The following TOP6BL variants were observed in gnomAD, a reference collection of about 807,000 sequenced individuals.
The protein encoded by TOP6BL is type 2 DNA topoisomerase 6 subunit B-like.
the TOP6BL span, among the ~76,000 whole-genome samples, chr11:66,825,925 T>A: frequency 6.6e-6 from 1 of 151,624 alleles, no homozygotes; most frequent in Non-Finnish European, 1.5e-5. Context: ...CACTGCAAGC[T>A]CCGCCTCTCA....
the TOP6BL span, among the ~76,000 whole-genome samples, chr11:66,826,350 TTAAATC>T: frequency 2.0e-5 from 3 of 152,250 alleles, no homozygotes; most frequent in Non-Finnish European, 4.4e-5. Context: ...ACTGTATTGT[TTAAATC>T]TAATTTAATA....
At chr11:66,754,868 A>C in the TOP6BL span, among the ~76,000 whole-genome samples, 1 of 152,316 alleles carries the variant, frequency 6.6e-6, no homozygotes, top group South Asian at 2.1e-4. Flanking sequence ...GTTAGGGAGG[A>C]GCCAGTCCCT....
chr11:66,773,012 T>C, the TOP6BL span, among the ~76,000 whole-genome samples: 17 of 152,174 alleles, frequency 1.1e-4, no homozygotes, highest in African/African-American at 1.4e-4. Flanking sequence ...CTGGGCCTGA[T>C]TTTTTCCTTC....
At chr11:66,815,063 G>T in the TOP6BL span, among the ~76,000 whole-genome samples, 1 of 152,190 alleles carries the variant, frequency 6.6e-6, no homozygotes, top group Non-Finnish European at 1.5e-5. Flanking sequence ...CAGTAGGGAA[G>T]AGGTATTCTG....
the TOP6BL span, among the ~76,000 whole-genome samples, chr11:66,830,279 GA>G: frequency 6.6e-6 from 1 of 152,070 alleles, no homozygotes; most frequent in Non-Finnish European, 1.5e-5. Flanking sequence ...CAAATATTTG[GA>G]AACTAAATGA....
chr11:66,790,282 A>G, the TOP6BL span, among the ~76,000 whole-genome samples: 1 of 152,030 alleles, frequency 6.6e-6, no homozygotes, highest in African/African-American at 2.4e-5. Context: ...AAAAAAAAAG[A>G]TATGTTACTT....
the TOP6BL span, among the ~76,000 whole-genome samples, chr11:66,757,083 C>G: frequency 6.6e-6 from 1 of 151,826 alleles, no homozygotes; most frequent in African/African-American, 2.4e-5. Context: ...TGGCTCATAC[C>G]TGTAATCCCA....
the TOP6BL span, among the ~76,000 whole-genome samples, chr11:66,823,384 T>C: frequency 1.3e-5 from 2 of 152,296 alleles, no homozygotes; most frequent in East Asian, 1.9e-4. Flanking sequence ...AACATTACTT[T>C]ATTTGCTCCA....
chr11:66,760,625 C>CAA, the TOP6BL span, among the ~76,000 whole-genome samples: 2,918 of 54,134 alleles, frequency 0.054, 350 homozygotes, highest in African/African-American at 0.13. Context: ...CCCATCTTTA[C>CAA]AAAAAAAAAA....
the TOP6BL span, among the ~76,000 whole-genome samples, chr11:66,799,579 G>A: frequency 6.6e-6 from 1 of 151,460 alleles, no homozygotes; most frequent in African/African-American, 2.4e-5. Flanking sequence ...GGGCACAGTG[G>A]CGCGTGCCTG....
At chr11:66,822,789 A>T in the TOP6BL span, 1 of 689,558 alleles carries the variant, frequency 1.5e-6, no homozygotes, top group Non-Finnish European at 2.5e-6. Context: ...GGATTGCTTG[A>T]GCCCAGGAAT....
the TOP6BL span, chr11:66,821,832 G>A: frequency 6.4e-7 from 1 of 1,565,310 alleles, no homozygotes; most frequent in Non-Finnish European, 8.7e-7. Context: ...TATATGGCAG[G>A]CAGGGCCCAG....
At chr11:66,749,051 TGTGTGTGTGTGTG>T in the TOP6BL span, among the ~76,000 whole-genome samples, 1 of 147,852 alleles carries the variant, frequency 6.8e-6, no homozygotes, top group African/African-American at 2.6e-5. Flanking sequence ...TAGCTTTTTG[TGTGTGTGTGTGTG>T]GTGTGTGTGT....
the TOP6BL span, among the ~76,000 whole-genome samples, chr11:66,788,812 G>A: frequency 2.0e-5 from 3 of 152,176 alleles, no homozygotes; most frequent in Admixed American, 6.5e-5. Flanking sequence ...ATTCACAGGT[G>A]CAGTCATAGC....
At chr11:66,799,061 G>A in the TOP6BL span, among the ~76,000 whole-genome samples, 2 of 152,064 alleles carry the variant, frequency 1.3e-5, no homozygotes, top group African/African-American at 4.8e-5. Context: ...ACAAAAATTA[G>A]CCGGGCATGG....
chr11:66,833,535 A>G, the TOP6BL span, among the ~76,000 whole-genome samples: 2 of 152,150 alleles, frequency 1.3e-5, no homozygotes, highest in African/African-American at 4.8e-5. Context: ...AGGGTAAGGC[A>G]TGTGCTGTTA....
At chr11:66,813,401 G>A in the TOP6BL span, among the ~76,000 whole-genome samples, 1 of 152,024 alleles carries the variant, frequency 6.6e-6, no homozygotes, top group Non-Finnish European at 1.5e-5. Flanking sequence ...ATCTATCTCT[G>A]GTGCCTCACA....
the TOP6BL span, among the ~76,000 whole-genome samples, chr11:66,759,339 G>A: frequency 6.6e-6 from 1 of 152,020 alleles, no homozygotes; most frequent in Non-Finnish European, 1.5e-5. Context: ...ATATAAAACT[G>A]TATAGAATTG....
the TOP6BL span, among the ~76,000 whole-genome samples, chr11:66,815,320 CCCTT>C: frequency 6.6e-6 from 1 of 152,162 alleles, no homozygotes; most frequent in Admixed American, 6.5e-5. Flanking sequence ...TCATCTCCCT[CCCTT>C]ATTACTCTAA....
Sources: allele counts gnomAD v4.1 joint callset (sites outside exome capture counted in the v4.1 genomes callset), GRCh38; gene constraint gnomAD v4.1.1; transcripts MANE v1.5; gene names NCBI Gene and HGNC (gene_info 2026-07-23, HGNC 2026-07-21).